TBC1D4: variants seen among roughly 807,000 people sequenced by gnomAD.
TBC1D4 encodes the protein TBC (Tre-2, BUB2, CDC16) domain-containing protein.
TBC1D4 carries 121 observed loss-of-function variants against 142.5 expected under a neutral mutation model. The observed-to-expected ratio is 0.85, with a 90% CI of 0.73 to 0.99. The LOEUF (loss-of-function observed/expected upper bound fraction) is 0.99, where lower values mean the gene tolerates loss of function less well. TBC1D4 is among the 50% of genes least tolerant of loss of function. The probability of loss-of-function intolerance (pLI) is 0.00; values close to 1 mark genes in which losing one functional copy is unlikely to be tolerated. For synonymous variants in TBC1D4, 630 were observed against 628.2 expected, an observed-to-expected ratio of 1.00 and a Z score of -0.04; for missense variants, 1,475 against 1,606.6, an observed-to-expected ratio of 0.92 and a Z score of 1.40.
intron 20 of TBC1D4, among the ~76,000 whole-genome samples, chr13:75,288,689 C>T (rs1377916096): frequency 6.6e-6 from 1 of 152,124 alleles, no homozygotes; most frequent in Admixed American, 6.6e-5. Context: ...CTATAACATG[C>T]AACAGGTATT....
chr13:75,465,152 C>T (rs993073326), intron 1 of TBC1D4, among the ~76,000 whole-genome samples: 11 of 152,134 alleles, frequency 7.2e-5, no homozygotes, highest in Admixed American at 3.9e-4. Context: ...CCAGAACTTG[C>T]GCAGGGCCGT....
chr13:75,411,921 A>G (rs1885688573), intron 1 of TBC1D4, among the ~76,000 whole-genome samples: 1 of 152,216 alleles, frequency 6.6e-6, no homozygotes, highest in African/African-American at 2.4e-5. Context: ...AGTTAATCCC[A>G]TAAATTTTCA....
intron 4 of TBC1D4, among the ~76,000 whole-genome samples, chr13:75,349,978 T>C (rs1881469009): frequency 6.6e-6 from 1 of 152,208 alleles, no homozygotes; most frequent in Non-Finnish European, 1.5e-5. Context: ...AACTTCTTTT[T>C]TGTTCCTCCA....
At position 75,467,913 on chromosome 13, in the gene TBC1D4, G is replaced by A. The variant is rs1234125663; in HGVS notation, c.498+13357C>T. 2.6e-5 allele frequency among the ~76,000 whole-genome samples: 4 copies of A among 152,118 alleles called. 1 individual carries two copies. Among genetic ancestry groups the A allele is most frequent in the Admixed American group, 2.6e-4 (4 of 15,270 alleles). ...TAAAGAAATCCAGAATACAAACCCT[G>A]TATCTTATAGTTGGTCAAGAGTTCA... is the stretch of plus-strand genomic sequence containing the variant. On this transcript the variant is annotated intron_variant, in intron 1 of 20. Coordinates refer to ENST00000377636, the MANE Select transcript of TBC1D4 (RefSeq NM_014832.5).
chr13:75,297,801 C>CTAAAG (rs1876108399), intron 17 of TBC1D4, among the ~76,000 whole-genome samples: 2 of 150,774 alleles, frequency 1.3e-5, no homozygotes, highest in South Asian at 4.2e-4. Flanking sequence ...TACAGGTAAA[C>CTAAAG]TCTTTAGGAA....
At chr13:75,437,190 T>C (rs1186865044) in intron 1 of TBC1D4, among the ~76,000 whole-genome samples, 2 of 152,144 alleles carry the variant, frequency 1.3e-5, no homozygotes, top group Non-Finnish European at 2.9e-5. Flanking sequence ...CTGAATGGGG[T>C]CTGTGGATTA....
At chr13:75,328,161 C>T (rs1593734882) in intron 8 of TBC1D4, among the ~76,000 whole-genome samples, 1 of 152,082 alleles carries the variant, frequency 6.6e-6, no homozygotes, top group Non-Finnish European at 1.5e-5. Flanking sequence ...GAAGATACAG[C>T]AAAACAAACC....
rs539118077 is a variant in TBC1D4, at chr13:75,471,832, C to T, written c.498+9438G>A. Among the ~76,000 whole-genome samples, 11 of 152,008 alleles carry T rather than the reference C, an allele frequency of 7.2e-5. No homozygotes were observed. The South Asian group carries it at 1.7e-3, about 23-fold the overall frequency. On this transcript the variant is annotated intron_variant, in intron 1 of 20. Transcript: ENST00000377636. ...ATAAAAAGAATTGTGGATGGCCAGG[C>T]ACTGTGGCTCACGCCTGTAATCCCA...
chr13:75,345,062 C>T (rs559237603), intron 5 of TBC1D4, among the ~76,000 whole-genome samples: 33 of 152,280 alleles, frequency 2.2e-4, no homozygotes, highest in African/African-American at 7.7e-4. Context: ...AGGGTCCCTG[C>T]CTTTGGATAC....
At chr13:75,404,705 G>A (rs955930234) in intron 1 of TBC1D4, among the ~76,000 whole-genome samples, 169 of 151,980 alleles carry the variant, frequency 1.1e-3, no homozygotes, top group East Asian at 1.9e-4. Flanking sequence ...GAGGGACTAC[G>A]GATAATTCTT....
At chr13:75,361,342 A>G (rs1882482634) in intron 2 of TBC1D4, among the ~76,000 whole-genome samples, 1 of 151,866 alleles carries the variant, frequency 6.6e-6, no homozygotes, top group Admixed American at 6.6e-5. Flanking sequence ...GCCAAATCGC[A>G]CTCTCTCAGA....
chr13:75,473,228 T>C, intron 1 of TBC1D4, among the ~76,000 whole-genome samples: 1 of 152,172 alleles, frequency 6.6e-6, no homozygotes, highest in East Asian at 1.9e-4. Flanking sequence ...CTCAAACTCC[T>C]GGTCTCAAAT....
chr13:75,466,869 C>CA (rs555084235), intron 1 of TBC1D4, among the ~76,000 whole-genome samples: 10 of 144,390 alleles, frequency 6.9e-5, no homozygotes, highest in Admixed American at 4.9e-4. Flanking sequence ...GACTCTGTCT[C>CA]AAAAAAAAAT....
At chr13:75,403,255 G>C (rs532948615) in intron 1 of TBC1D4, among the ~76,000 whole-genome samples, 4 of 152,336 alleles carry the variant, frequency 2.6e-5, no homozygotes, top group Admixed American at 6.5e-5. Context: ...TAGGGGAAAA[G>C]TGTGTGGGGT....
chr13:75,288,127 T>A (rs1874885859), intron 20 of TBC1D4, among the ~76,000 whole-genome samples: 1 of 152,224 alleles, frequency 6.6e-6, no homozygotes, highest in East Asian at 1.9e-4. Flanking sequence ...TATTCTCAAA[T>A]AATTGTGAAC....
chr13:75,421,698 G>A (rs1383263178), intron 1 of TBC1D4, among the ~76,000 whole-genome samples: 1 of 152,112 alleles, frequency 6.6e-6, no homozygotes, highest in Non-Finnish European at 1.5e-5. Flanking sequence ...ATGTTTATAA[G>A]AAAATAATTT....
chr13:75,481,397 TGCGCC>T lies in TBC1D4; in HGVS notation c.366_370del (p.Gln124TyrfsTer44), dbSNP rs1297175249. 1.2e-6 allele frequency: 2 copies of T among 1,613,892 alleles called. No individual in the cohort carries two copies. The highest frequency in any genetic ancestry group is 1.7e-6 in the Non-Finnish European group (2 of 1,179,832). ...GTTGTGGATGAAGCGCGAGATATGC[TGCGCC>T]TTGTGCTCGAAGATGAATACCGCCG... On this transcript the variant is annotated frameshift_variant, in exon 1 of 21. Transcript: ENST00000377636. LOFTEE classifies it high-confidence loss of function.
At chr13:75,459,270 C>A (rs1436243944) in intron 1 of TBC1D4, among the ~76,000 whole-genome samples, 1 of 152,138 alleles carries the variant, frequency 6.6e-6, no homozygotes, top group Non-Finnish European at 1.5e-5. Context: ...CTTTCCCTTC[C>A]CCACAACACT....
intron 5 of TBC1D4, among the ~76,000 whole-genome samples, chr13:75,344,676 G>A (rs147236954): frequency 6.6e-6 from 1 of 152,242 alleles, no homozygotes; most frequent in African/African-American, 2.4e-5. Context: ...AGTCCACAGA[G>A]ATGGCTGACT....
Sources: allele counts gnomAD v4.1 joint callset (sites outside exome capture counted in the v4.1 genomes callset), GRCh38; gene constraint gnomAD v4.1.1; transcripts MANE v1.5; gene names NCBI Gene and HGNC (gene_info 2026-07-23, HGNC 2026-07-21).